Variants in ARHGAP26 observed in about 807,000 individuals in gnomAD.
ARHGAP26 encodes Rho GTPase activating protein 26.
In ARHGAP26, 38 loss-of-function variants were observed where a neutral mutation model predicts 104.8. That is an observed-to-expected ratio of 0.36 (90% CI 0.28 to 0.48). The LOEUF is 0.48. ARHGAP26 is among the 20% of genes least tolerant of loss of function. ARHGAP26 has a pLI of 0.99. For synonymous variants in ARHGAP26, 341 were observed against 340.0 expected (o/e 1.00, Z -0.03); for missense variants, 704 against 947.9 (o/e 0.74, Z 3.38).
At chr5:143,203,928 G>A (rs1361207105) in intron 20 of ARHGAP26, among the ~76,000 whole-genome samples, 1 of 152,068 alleles carries the variant, frequency 6.6e-6, no homozygotes, top group African/African-American at 2.4e-5. Flanking sequence ...GGGGGTAGGG[G>A]GCTAGGGGAG....
chr5:143,155,574 G>A (rs258806), intron 20 of ARHGAP26, among the ~76,000 whole-genome samples: 31,693 of 152,096 alleles, frequency 0.21, 3,937 homozygotes, highest in East Asian at 0.39. Context: ...ACCCAGCAGG[G>A]TTTCTTTCCC....
intron 11 of ARHGAP26, among the ~76,000 whole-genome samples, chr5:142,972,194 AAG>A (rs1772397806): frequency 1.3e-5 from 2 of 151,090 alleles, no homozygotes; most frequent in African/African-American, 4.9e-5. Context: ...AAAAAAAAAA[AAG>A]ATACAGTTGT....
At chr5:143,112,375 G>A (rs1794884321) in intron 17 of ARHGAP26, among the ~76,000 whole-genome samples, 1 of 152,204 alleles carries the variant, frequency 6.6e-6, no homozygotes, top group African/African-American at 2.4e-5. Context: ...GGAGAGTACA[G>A]GGACTGGGTA....
chr5:142,856,600 C>G (rs1752389896), intron 1 of ARHGAP26, among the ~76,000 whole-genome samples: 1 of 152,162 alleles, frequency 6.6e-6, no homozygotes, highest in South Asian at 2.1e-4. Flanking sequence ...GGTTCTGCAT[C>G]CATGAGTTCA....
At chr5:142,874,425 C>T (rs1203205946) in intron 2 of ARHGAP26, among the ~76,000 whole-genome samples, 1 of 152,174 alleles carries the variant, frequency 6.6e-6, no homozygotes, top group African/African-American at 2.4e-5. Context: ...TGAGTACAGG[C>T]AATTGGGAGA....
At position 142,887,632 on chromosome 5, in the gene ARHGAP26, G is replaced by C. The variant is rs528235561; in HGVS notation, c.486+2233G>C. On this transcript the variant is annotated intron_variant, in intron 5 of 22. Coordinates refer to ENST00000645722, the MANE Select transcript of ARHGAP26 (RefSeq NM_001135608.3). ...CCTAGTCACACTTTCTAAGTACTTT[G>C]AGTGTAAGGATTGGGTTCCAGATCT... Among the ~76,000 whole-genome samples the C allele has an allele frequency of 2.0e-5, 3 of 152,230 alleles. No individual in the cohort carries two copies. In the East Asian group the frequency reaches 5.8e-4, roughly 29 times the overall value.
intron 20 of ARHGAP26, among the ~76,000 whole-genome samples, chr5:143,151,039 C>T (rs1020573954): frequency 6.6e-6 from 1 of 152,032 alleles, no homozygotes; most frequent in African/African-American, 2.4e-5. Flanking sequence ...GACCAGTATC[C>T]AAAATATACA....
intron 17 of ARHGAP26, among the ~76,000 whole-genome samples, chr5:143,116,663 A>G (rs1310743967): frequency 6.6e-6 from 1 of 152,058 alleles, no homozygotes; most frequent in Admixed American, 6.6e-5. Flanking sequence ...CACCATCCCC[A>G]CCACCATCTT....
intron 1 of ARHGAP26, among the ~76,000 whole-genome samples, chr5:142,807,194 C>T (rs1377556946): frequency 1.3e-5 from 2 of 152,234 alleles, no homozygotes; most frequent in African/African-American, 4.8e-5. Flanking sequence ...TGCTTTCAGG[C>T]ATGATGCAAT....
At chr5:143,138,499 G>T (rs1216309163) in intron 19 of ARHGAP26, among the ~76,000 whole-genome samples, 4 of 152,210 alleles carry the variant, frequency 2.6e-5, no homozygotes, top group Non-Finnish European at 4.4e-5. Context: ...GTCAAGGAAG[G>T]TTTTCTGAAA....
chr5:142,827,629 A>G (rs1312245573), intron 1 of ARHGAP26, among the ~76,000 whole-genome samples: 1 of 152,172 alleles, frequency 6.6e-6, no homozygotes, highest in Non-Finnish European at 1.5e-5. Flanking sequence ...CAGATAATGA[A>G]GGGATACTTA....
intron 11 of ARHGAP26, among the ~76,000 whole-genome samples, chr5:142,933,122 G>A (rs923079873): frequency 6.6e-6 from 1 of 152,148 alleles, no homozygotes; most frequent in African/African-American, 2.4e-5. Flanking sequence ...TGTATACGTT[G>A]TTACCCATAG....
rs1183090773 is a variant in ARHGAP26, at chr5:143,067,200, T to A, written c.1538+9453T>A. Among the ~76,000 whole-genome samples the A allele has an allele frequency of 2.6e-5, 4 of 152,306 alleles. No homozygotes were observed. The East Asian group carries it at 7.7e-4, about 29-fold the overall frequency. Reference sequence around the variant, plus strand: ...GTGGTCTGGAAATTTCCACTCATCTTTGTGATCTTTGAGATGTTTCCCTTT... The same window carrying A: ...GTGGTCTGGAAATTTCCACTCATCTATGTGATCTTTGAGATGTTTCCCTTT... On this transcript the variant is annotated intron_variant, in intron 17 of 22. Coordinates refer to ENST00000645722, the MANE Select transcript of ARHGAP26 (RefSeq NM_001135608.3).
chr5:142,818,754 G>T (rs1326853999), intron 1 of ARHGAP26, among the ~76,000 whole-genome samples: 2 of 152,184 alleles, frequency 1.3e-5, no homozygotes, highest in African/African-American at 4.8e-5. Flanking sequence ...ACTGTAAGCT[G>T]TGTTTGTCGT....
intron 20 of ARHGAP26, among the ~76,000 whole-genome samples, chr5:143,166,974 G>A (rs1802040072): frequency 6.6e-6 from 1 of 152,136 alleles, no homozygotes; most frequent in Non-Finnish European, 1.5e-5. Flanking sequence ...AACTTTTTCT[G>A]AAGTCATAAA....
chr5:142,951,153 A>G (rs1436516529), intron 11 of ARHGAP26, among the ~76,000 whole-genome samples: 5 of 151,840 alleles, frequency 3.3e-5, no homozygotes, highest in Non-Finnish European at 2.9e-5. Context: ...TCCACCTCCC[A>G]GGTTCAAGCG....
chr5:142,923,364 A>G (rs1194971085), intron 10 of ARHGAP26, among the ~76,000 whole-genome samples: 1 of 152,252 alleles, frequency 6.6e-6, no homozygotes, highest in Non-Finnish European at 1.5e-5. Flanking sequence ...CAGTTCAACC[A>G]GTACATTCCA....
At chr5:142,809,379 G>T (rs996683587) in intron 1 of ARHGAP26, among the ~76,000 whole-genome samples, 1 of 152,230 alleles carries the variant, frequency 6.6e-6, no homozygotes, top group African/African-American at 2.4e-5. Context: ...CTTCTTAGAA[G>T]AAGGGGTCAG....
At chr5:143,220,729 T>C (rs258825) in intron 22 of ARHGAP26, among the ~76,000 whole-genome samples, 43,728 of 152,110 alleles carry the variant, frequency 0.29, 6,472 homozygotes, top group East Asian at 0.41. Context: ...GATCTGAAAT[T>C]GGCCAACTTT....
Sources: allele counts gnomAD v4.1 joint callset (sites outside exome capture counted in the v4.1 genomes callset), GRCh38; gene constraint gnomAD v4.1.1; transcripts MANE v1.5; gene names NCBI Gene and HGNC (gene_info 2026-07-23, HGNC 2026-07-21).